The following DLC1 variants were observed in gnomAD, a reference collection of about 807,000 sequenced individuals.
The protein encoded by DLC1 is DLC1 Rho GTPase activating protein, also known as rho GTPase-activating protein 7.
A neutral mutation model predicts 140.3 loss-of-function variants in DLC1; 54 were observed. The ratio of observed to expected loss-of-function variants is 0.38; its 90% CI spans 0.31 to 0.48. The LOEUF is 0.48. DLC1 is among the 20% of genes least tolerant of loss of function. The pLI is 0.96. For missense variants in DLC1, 2,536 were observed against 1,907.0 expected (o/e 1.33, Z -6.14); for synonymous variants, 986 against 728.1 (o/e 1.35, Z -5.70).
chr8:13,596,484 CT>C (rs1261590618), intron 1 of DLC1, among the ~76,000 whole-genome samples: 1 of 151,868 alleles, frequency 6.6e-6, no homozygotes, highest in East Asian at 1.9e-4. Flanking sequence ...CCTTAGAGGC[CT>C]TTCTTAAAGG....
At chr8:13,266,080 A>C (rs968277595) in intron 5 of DLC1, among the ~76,000 whole-genome samples, 2 of 152,248 alleles carry the variant, frequency 1.3e-5, no homozygotes, top group Non-Finnish European at 2.9e-5. Flanking sequence ...GAAGGACTAA[A>C]GGAAACTTTT....
chr8:13,474,643 G>A (rs1050904994), intron 2 of DLC1, among the ~76,000 whole-genome samples: 5 of 152,192 alleles, frequency 3.3e-5, no homozygotes, highest in Non-Finnish European at 5.9e-5. Context: ...GGAGCCACAC[G>A]GGTGGAGCCA....
chr8:13,459,952 G>C (rs1027089390), intron 2 of DLC1, among the ~76,000 whole-genome samples: 1 of 152,094 alleles, frequency 6.6e-6, no homozygotes, highest in African/African-American at 2.4e-5. Flanking sequence ...GTGCCGGGAA[G>C]GACCTCCTGG....
chr8:13,342,191 C>T (rs923445877), intron 4 of DLC1: 1 of 152,104 alleles, frequency 6.6e-6, no homozygotes, highest in Non-Finnish European at 1.5e-5. Flanking sequence ...AACTACATGA[C>T]AGGTAATAGG....
intron 2 of DLC1, among the ~76,000 whole-genome samples, chr8:13,424,014 A>G (rs1338039843): frequency 2.0e-5 from 3 of 152,206 alleles, no homozygotes; most frequent in African/African-American, 7.2e-5. Context: ...ATAAAAATAG[A>G]AAGTAAATTA....
chr8:13,099,860 C>G lies in DLC1; in HGVS notation c.2477G>C (p.Ser826Thr), dbSNP rs756727724. 1 of 1,614,212 alleles carries G rather than the reference C, an allele frequency of 6.2e-7. No homozygotes were observed. Among genetic ancestry groups the G allele is most frequent in the South Asian group, 1.1e-5 (1 of 91,086 alleles). Reference sequence around the variant, plus strand: ...GCCGTTATTCCCCGAGGGGGAGAAACTGCCATTGGTGAGAGCTTTGGGGAA... The same window carrying G: ...GCCGTTATTCCCCGAGGGGGAGAAAGTGCCATTGGTGAGAGCTTTGGGGAA... ...GTFPKALTNG[S>T]FSPSGNNGSV... Residue 826 changes from serine (S) to threonine (T), a missense_variant, in exon 9 of 18, where the codon AGT becomes ACT. Coordinates refer to ENST00000276297, the MANE Select transcript of DLC1 (RefSeq NM_182643.3).
At chr8:13,245,393 G>A (rs1323826114) in intron 5 of DLC1, among the ~76,000 whole-genome samples, 2 of 152,222 alleles carry the variant, frequency 1.3e-5, no homozygotes, top group African/African-American at 2.4e-5. Context: ...CTGACCCACA[G>A]AAGCTGTGAG....
chr8:13,414,206 A>G (rs1038161742), intron 2 of DLC1, among the ~76,000 whole-genome samples: 6 of 152,194 alleles, frequency 3.9e-5, no homozygotes, highest in Non-Finnish European at 8.8e-5. Flanking sequence ...TGGTACATTC[A>G]TATATTGACA....
At chr8:13,477,186 C>T (rs1400912530) in intron 2 of DLC1, among the ~76,000 whole-genome samples, 3 of 148,802 alleles carry the variant, frequency 2.0e-5, no homozygotes, top group African/African-American at 5.0e-5. Flanking sequence ...AAATCAGGGC[C>T]TCAGGTTTAT....
intron 5 of DLC1, among the ~76,000 whole-genome samples, chr8:13,304,162 C>A (rs1372372315): frequency 6.6e-6 from 1 of 152,094 alleles, no homozygotes; most frequent in Non-Finnish European, 1.5e-5. Flanking sequence ...TATATTGATG[C>A]AAAAATAATT....
chr8:13,351,534 T>C (rs1454305480), intron 4 of DLC1, among the ~76,000 whole-genome samples: 4 of 152,214 alleles, frequency 2.6e-5, no homozygotes, highest in African/African-American at 7.2e-5. Context: ...ACAGAATATA[T>C]TGTGACCCAT....
chr8:13,215,555 C>G (rs1307932943), intron 5 of DLC1, among the ~76,000 whole-genome samples: 2 of 152,156 alleles, frequency 1.3e-5, no homozygotes, highest in African/African-American at 4.8e-5. Flanking sequence ...CACTGCACTC[C>G]AGCTTGGGTG....
intron 2 of DLC1, among the ~76,000 whole-genome samples, chr8:13,447,357 C>T (rs1231193351): frequency 1.3e-5 from 2 of 152,066 alleles, no homozygotes. Flanking sequence ...TGACACTAAC[C>T]TTTTGCGTGA....
intron 5 of DLC1, among the ~76,000 whole-genome samples, chr8:13,121,879 A>G (rs1357569633): frequency 6.6e-6 from 1 of 152,022 alleles, no homozygotes; most frequent in African/African-American, 2.4e-5. Flanking sequence ...AACACCGACC[A>G]TCCCCTCCCC....
At chr8:13,227,133 C>T (rs910509238) in intron 5 of DLC1, among the ~76,000 whole-genome samples, 2 of 152,070 alleles carry the variant, frequency 1.3e-5, no homozygotes, top group Admixed American at 1.3e-4. Flanking sequence ...AGCAATCCTC[C>T]CACCACTATT....
chr8:13,428,115 C>T (rs1009950745), intron 2 of DLC1, among the ~76,000 whole-genome samples: 3 of 152,046 alleles, frequency 2.0e-5, no homozygotes, highest in Admixed American at 2.0e-4. Flanking sequence ...TCAGTCTTTC[C>T]AGGCTTTTGT....
At chr8:13,096,614 G>C (rs981067777) in intron 10 of DLC1, among the ~76,000 whole-genome samples, 1 of 151,488 alleles carries the variant, frequency 6.6e-6, no homozygotes, top group Non-Finnish European at 1.5e-5. Flanking sequence ...AGGATAAACC[G>C]GTCAATACTT....
At chr8:13,324,769 G>A (rs1487850466) in intron 4 of DLC1, among the ~76,000 whole-genome samples, 2 of 152,090 alleles carry the variant, frequency 1.3e-5, no homozygotes, top group Non-Finnish European at 2.9e-5. Flanking sequence ...CAGTTGCAGA[G>A]TCTTTACTAA....
At chr8:13,176,450 G>A (rs953881796) in intron 5 of DLC1, among the ~76,000 whole-genome samples, 2 of 152,096 alleles carry the variant, frequency 1.3e-5, no homozygotes, top group Non-Finnish European at 2.9e-5. Context: ...GTGGCAGCAG[G>A]TGCCTGTAGT....
Sources: allele counts gnomAD v4.1 joint callset (sites outside exome capture counted in the v4.1 genomes callset), GRCh38; gene constraint gnomAD v4.1.1; transcripts MANE v1.5; gene names NCBI Gene and HGNC (gene_info 2026-07-23, HGNC 2026-07-21).